Variants in ARFGEF1 observed in about 807,000 individuals in gnomAD.
ARFGEF1 encodes ARF guanine nucleotide exchange factor 1.
Under a neutral mutation model 231.0 loss-of-function variants are expected in ARFGEF1, and 42 were observed. The observed-to-expected ratio is 0.18, with a 90% CI of 0.14 to 0.24. The LOEUF (loss-of-function observed/expected upper bound fraction) is 0.24, where lower values mean the gene tolerates loss of function less well. Ranked by LOEUF, ARFGEF1 falls within the 10% of genes least tolerant of loss-of-function variation. ARFGEF1 has a pLI of 1.00. For missense variants in ARFGEF1, 1,345 were observed against 2,192.0 expected (o/e 0.61, Z 7.72); for synonymous variants, 710 against 732.3 (o/e 0.97, Z 0.49).
intron 18 of ARFGEF1, 90 bp downstream of exon 18, chr8:67,253,361 A>T (rs1840357943): frequency 3.1e-5 from 29 of 936,852 alleles, no homozygotes; most frequent in Non-Finnish European, 4.3e-5. Flanking sequence ...TATAAATGCA[A>T]ACCACCACAC....
In ARFGEF1 at chr8:67,316,897, T is replaced by C. The variant is rs1807342503; in HGVS notation, c.125-14431A>G. 5.3e-5 allele frequency among the ~76,000 whole-genome samples: 8 copies of C among 152,304 alleles called. No individual in the cohort carries two copies. In the South Asian group the frequency reaches 1.4e-3, roughly 28 times the overall value. On this transcript the variant is annotated intron_variant, in intron 1 of 38. Coordinates refer to ENST00000262215, the MANE Select transcript of ARFGEF1 (RefSeq NM_006421.5). The stretch of plus-strand genomic sequence containing the variant: ...CCTTGGACAGTTTCAGGATAGGGAT[T>C]AGTGAAAGACCAACTATGTGAGTAA...
intron 29 of ARFGEF1, among the ~76,000 whole-genome samples, chr8:67,224,392 T>C (rs1839303811): frequency 6.6e-6 from 1 of 152,212 alleles, no homozygotes; most frequent in African/African-American, 2.4e-5. Context: ...CCTTTACAGA[T>C]TGACTATATG....
At chr8:67,193,989 T>A (rs375849412), downstream of ARFGEF1, among the ~76,000 whole-genome samples, 2 of 152,382 alleles carry the variant, frequency 1.3e-5, no homozygotes, top group East Asian at 3.9e-4. Context: ...TTTGCAGTAC[T>A]ACAAAGAAAA....
downstream of ARFGEF1, among the ~76,000 whole-genome samples, chr8:67,194,855 GTTAGA>G (rs887683198): frequency 6.6e-6 from 1 of 152,160 alleles, no homozygotes; most frequent in Non-Finnish European, 1.5e-5. Context: ...ACACGGCCTT[GTTAGA>G]TTAGGTGTTT....
intron 29 of ARFGEF1, among the ~76,000 whole-genome samples, chr8:67,221,045 T>C (rs1839138697): frequency 1.3e-5 from 2 of 152,154 alleles, no homozygotes; most frequent in South Asian, 2.1e-4. Flanking sequence ...AAAGTTCCAA[T>C]TGTCTTGTGA....
intron 9 of ARFGEF1, among the ~76,000 whole-genome samples, chr8:67,275,750 A>AT (rs1451947114): frequency 6.6e-6 from 1 of 152,128 alleles, no homozygotes. Flanking sequence ...TTTAGAAAAT[A>AT]GTATAAGTCA....
At position 67,246,643 on chromosome 8, in the gene ARFGEF1, A is replaced by C. The variant is rs368154080; in HGVS notation, c.2850+4656T>G. 9.3e-5 allele frequency among the ~76,000 whole-genome samples: 14 copies of C among 150,510 alleles called. No individual in the cohort carries two copies. In the South Asian group the frequency reaches 2.9e-3, roughly 32 times the overall value. On this transcript the variant is annotated intron_variant, in intron 19 of 38. Transcript: ENST00000262215. ...GCAAATTTTATAGCTGTTAGTGTCT[A>C]CATCAAAAAAGAAGAAAAACTCCAA...
chr8:67,200,519 A>C lies in ARFGEF1; in HGVS notation c.5268-6T>G, dbSNP rs749609012. 19 of 1,538,922 alleles carry C rather than the reference A, an allele frequency of 1.2e-5. No homozygotes were observed. The highest frequency in any genetic ancestry group is 1.7e-5 in the Non-Finnish European group (19 of 1,113,304). ...TTAGTGCTTCACTGCAGACACTGCA[A>C]AAGAAAAGGTTTCCTTTAATGTTAC... On this transcript the variant is annotated splice_region_variant and splice_polypyrimidine_tract_variant and intron_variant, in intron 37 of 38. Transcript: ENST00000262215.
chr8:67,218,207 A>AAAAAATATATATATATATATAT (rs1491555936), intron 30 of ARFGEF1, 69 bp from the exon 31 acceptor site: 5 of 90,848 alleles, frequency 5.5e-5, no homozygotes, highest in Non-Finnish European at 7.3e-5. Context: ...AAAAAAAAAA[A>AAAAAATATATATATATATATAT]ATATATATAT....
chr8:67,199,037 A>G lies in ARFGEF1; in HGVS notation c.5447T>C (p.Ile1816Thr). The G allele has an allele frequency of 1.2e-6, 2 of 1,611,232 alleles. No homozygotes were observed. The highest frequency in any genetic ancestry group is 1.7e-6 in the Non-Finnish European group (2 of 1,179,390). Residue 1816 changes from isoleucine to threonine, a missense_variant, in exon 39 of 39, where the codon ATT becomes ACT. By Grantham distance (89) the Ile-to-Thr change is moderately conservative. Coordinates refer to ENST00000262215, the MANE Select transcript of ARFGEF1 (RefSeq NM_006421.5). ...TCTAAGAACAGCACGAAGTTCAGGA[A>G]TCAAGTCAAATTGCATAATTTCACA... ...LLCEIMQFDL[I>T]PELRAVLRRF...
rs760925897 is a variant in ARFGEF1 at position 67,217,767 on chromosome 8, A to G, written c.4613+15T>C. On this transcript the variant is annotated intron_variant, in intron 32 of 38. Transcript: ENST00000262215. ...TATACAAATATAAATGTAAAGTTGT[A>G]TAAAATCTTCTTACGCATGTGGGAT... 5.0e-6 allele frequency: 8 copies of G among 1,611,572 alleles called. No individual in the cohort carries two copies. The highest frequency in any genetic ancestry group is 1.3e-5 in the African/African-American group (1 of 74,910).
chr8:67,284,330 C>A (rs895318143), intron 7 of ARFGEF1, among the ~76,000 whole-genome samples: 4 of 151,964 alleles, frequency 2.6e-5, no homozygotes, highest in African/African-American at 9.7e-5. Flanking sequence ...CCCCCTAACC[C>A]CCAGAGATAA....
In ARFGEF1 at chr8:67,304,983, CA is replaced by C. The variant is rs1383521391; in HGVS notation, c.125-2518del. On this transcript the variant is annotated intron_variant, in intron 1 of 38. Transcript: ENST00000262215. ...CAGTAAGGCAGGAAAAAAGGCAAGG[CA>C]GGGGAAGAAGAGGAGCTGGCAGTTT... is the stretch of plus-strand genomic sequence containing the variant. Among the ~76,000 whole-genome samples, 4 of 152,158 alleles carry C rather than the reference CA, an allele frequency of 2.6e-5. No homozygotes were observed. The East Asian group carries it at 5.8e-4, about 22-fold the overall frequency.
intron 1 of ARFGEF1, among the ~76,000 whole-genome samples, chr8:67,312,001 G>A (rs972541603): frequency 4.6e-5 from 7 of 152,158 alleles, no homozygotes; most frequent in Non-Finnish European, 1.0e-4. Flanking sequence ...ATTAAGGGCA[G>A]TGCAAGATGT....
At chr8:67,330,554 A>C (rs1189496189) in intron 1 of ARFGEF1, among the ~76,000 whole-genome samples, 1 of 152,214 alleles carries the variant, frequency 6.6e-6, no homozygotes, top group Admixed American at 6.5e-5. Flanking sequence ...TAGCAAGATA[A>C]CTATAGACAC....
intron 1 of ARFGEF1, among the ~76,000 whole-genome samples, chr8:67,339,415 G>C (rs1036648111): frequency 6.6e-6 from 1 of 151,780 alleles, no homozygotes; most frequent in East Asian, 1.9e-4. Context: ...CTCTTCATTC[G>C]ATGTCAGAAA....
chr8:67,307,504 G>T (rs1806803418), intron 1 of ARFGEF1, among the ~76,000 whole-genome samples: 1 of 152,182 alleles, frequency 6.6e-6, no homozygotes, highest in Non-Finnish European at 1.5e-5. Flanking sequence ...ACCTAGTAAG[G>T]CAGGGACATG....
At chr8:67,296,682 G>T (rs192295458) in intron 4 of ARFGEF1, 72 bp from the exon 5 acceptor site, 1 of 1,255,222 alleles carries the variant, frequency 8.0e-7, no homozygotes, top group Non-Finnish European at 1.1e-6. Context: ...AGTCTTTCTC[G>T]CTCTGTCACC....
chr8:67,176,408 G>C (rs965289312), intron 5 of ARFGEF1, among the ~76,000 whole-genome samples: 2 of 152,138 alleles, frequency 1.3e-5, no homozygotes, highest in African/African-American at 4.8e-5. Context: ...TTTAGGCCCA[G>C]ATCATAGGTC....
Sources: gnomAD v4.1 joint callset for allele counts (sites outside exome capture counted in the v4.1 genomes callset) on GRCh38, gnomAD v4.1.1 for gene constraint, MANE v1.5 for transcripts, NCBI Gene and HGNC (gene_info 2026-07-23, HGNC 2026-07-21) for gene names.